AQP7: variants seen among roughly 807,000 people sequenced by gnomAD.
AQP7 encodes aquaporin-7.
In AQP7, 22 loss-of-function variants were observed where a neutral mutation model predicts 26.1. The observed-to-expected ratio is 0.84, with a 90% confidence interval of 0.60 to 1.20. The LOEUF (loss-of-function observed/expected upper bound fraction) is 1.20. Ranked by LOEUF, AQP7 falls within the 50% of genes most tolerant of loss-of-function variation. The pLI, the probability that AQP7 is intolerant of heterozygous loss-of-function variation, is 0.00. For synonymous variants in AQP7, 167 were observed against 181.7 expected (o/e 0.92, Z 0.65); for missense variants, 412 against 457.5 (o/e 0.90, Z 0.91).
intron 3 of AQP7, among the ~76,000 whole-genome samples, chr9:33,392,753 T>G (rs1368917009): frequency 6.6e-6 from 1 of 151,716 alleles, no homozygotes; most frequent in East Asian, 1.9e-4. Context: ...CCAAAGCAGG[T>G]GGGGAGGTAG....
At chr9:33,396,438 CAAAAAAAA>C (rs3055483) in intron 2 of AQP7, among the ~76,000 whole-genome samples, 2 of 30,908 alleles carry the variant, frequency 6.5e-5, no homozygotes, top group Non-Finnish European at 1.4e-4. Flanking sequence ...GACTCCATCT[CAAAAAAAA>C]AAAAAAAAAA....
rs1825075713 is a variant in AQP7 at position 33,388,452 on chromosome 9, C to G, written c.145-1360G>C. ...CCCAGACTCACTCACTGGCTCTCCT[C>G]CACTTCTAGGATAAAGTCCAAACTC... On this transcript the variant is annotated intron_variant, in intron 3 of 7. Transcript: ENST00000297988. Among the ~76,000 whole-genome samples the G allele has an allele frequency of 2.0e-5, 3 of 152,316 alleles. No homozygotes were observed. In the South Asian group the frequency reaches 6.2e-4, roughly 32 times the overall value.
rs1292533772 is a variant in AQP7 at position 33,395,159 on chromosome 9, C to T, written c.63G>A (p.Val21=). The stretch of plus-strand genomic sequence containing the variant: ...GCAGTATTTCCTGGATCTTTGCTAT[C>T]ACGGACCAGGAGACCATTTTGGAGC... The part of the protein sequence containing the change: ...TRGSKMVSWS[V]IAKIQEILQR... Residue 21 remains valine (V), a synonymous_variant, in exon 3 of 8, where the codon GTG becomes GTA. Transcript: ENST00000297988. 9.3e-6 allele frequency: 15 copies of T among 1,613,972 alleles called. No individual in the cohort carries two copies. The highest frequency in any genetic ancestry group is 1.3e-5 in the Non-Finnish European group (15 of 1,179,866).
rs1824494759 is a variant in AQP7 at position 33,383,296 on chromosome 9, A to G, written c.*1709T>C. ...AGACCAAGGCCCAGAAGGGTTGAATATCTTGCTCAAGATCACACACATTTT... is the reference window on the plus strand; with the variant it reads ...AGACCAAGGCCCAGAAGGGTTGAATGTCTTGCTCAAGATCACACACATTTT... On this transcript the variant is annotated 3_prime_UTR_variant, in exon 8 of 8. Transcript: ENST00000297988. The G allele has an allele frequency of 6.6e-6, 1 of 152,230 alleles. No individual in the cohort carries two copies. Among genetic ancestry groups the G allele is most frequent in the African/African-American group, 2.4e-5 (1 of 41,448 alleles). 9.4% of individuals were successfully genotyped at this position (152,230 alleles called of 1,614,324 possible). A position where few individuals can be genotyped will look rare whatever the true frequency, so the allele number is the denominator to read the frequency against.
In AQP7 at chr9:33,387,180, C is replaced by T. The variant is rs1194396498; in HGVS notation, c.145-88G>A. On this transcript the variant is annotated intron_variant, in intron 3 of 7. Transcript: ENST00000297988. ...AGAGCTCAGTTCTAGCTCCTCACCC[C>T]CATGCCCTGGGCCTCCCTGGCATTG... The T allele has an allele frequency of 5.3e-5, 76 of 1,429,912 alleles. 2 individuals are homozygous for T. In the South Asian group the frequency reaches 8.6e-4, roughly 16 times the overall value. 88.6% of individuals were successfully genotyped at this position (1,429,912 alleles called of 1,614,324 possible). A position where few individuals can be genotyped will look rare whatever the true frequency, so the allele number is the denominator to read the frequency against.
rs572819965 is a variant in AQP7 at position 33,388,615 on chromosome 9, C to T, written c.145-1523G>A. ...TTATTGAGCACTGCCTACATGCCAGCGAGTTATACTGATCACCTCCTTTAA... is the reference window on the plus strand; with the variant it reads ...TTATTGAGCACTGCCTACATGCCAGTGAGTTATACTGATCACCTCCTTTAA... On this transcript the variant is annotated intron_variant, in intron 3 of 7. Transcript: ENST00000297988. Among the ~76,000 whole-genome samples, 17 of 152,310 alleles carry T rather than the reference C, an allele frequency of 1.1e-4. 2 individuals are homozygous for T. The South Asian group carries it at 1.5e-3, about 13-fold the overall frequency.
At chr9:33,390,873 A>T (rs1329248908) in intron 3 of AQP7, among the ~76,000 whole-genome samples, 1 of 152,206 alleles carries the variant, frequency 6.6e-6, no homozygotes. Context: ...GCACTTTGGG[A>T]GGCCGAGGCA....
chr9:33,396,431 T>A (rs1174542673), intron 2 of AQP7, among the ~76,000 whole-genome samples: 1 of 82,026 alleles, frequency 1.2e-5, no homozygotes. Context: ...AGAGCGAGAC[T>A]CCATCTCAAA....
chr9:33,401,724 A>T (rs1331679005), intron 1 of AQP7: 1 of 189,826 alleles, frequency 5.3e-6, no homozygotes, highest in East Asian at 1.3e-4. Context: ...CAGAAGGTGA[A>T]CACACAGGAT....
rs749056562 is a variant in AQP7, at chr9:33,385,073, G to A, written c.961C>T (p.Pro321Ser). ...ISPLTPVSVS[P>S]ANRSSVHPAP... ...GGGTGGACTGAAGATCTGTTGGCAG[G>A]GCTCACAGAGACGGGGGTGAGGGGA... The change falls in exon 8 of 8, where the codon CCT (proline) becomes TCT (serine). Residue 321 changes from proline to serine, a missense_variant. Pro to Ser is a moderately conservative substitution (Grantham distance 74). Coordinates refer to ENST00000297988, the MANE Select transcript of AQP7 (RefSeq NM_001170.3). 6 of 1,611,832 alleles carry A rather than the reference G, an allele frequency of 3.7e-6. No homozygotes were observed. The African/African-American group carries it at 5.3e-5, about 14-fold the overall frequency.
At position 33,385,689 on chromosome 9, in the gene AQP7, T is replaced by A. The variant is rs768599373; in HGVS notation, c.703A>T (p.Ile235Phe). Residue 235 changes from isoleucine (I) to phenylalanine (F), a missense_variant, in exon 7 of 8, where the codon ATC becomes TTC. Transcript: ENST00000297988. The part of the protein sequence containing the change: ...INPSRDLPPR[I>F]FTFIAGWGKQ... ...CCCCAACCAGCAATGAAGGTGAAGA[T>A]GCGGGGGGGCAGGTCCCGGGACGGG... 1 of 1,613,680 alleles carries A rather than the reference T, an allele frequency of 6.2e-7. No homozygotes were observed. Among genetic ancestry groups the A allele is most frequent in the African/African-American group, 1.3e-5 (1 of 74,882 alleles).
At chr9:33,399,490 G>C (rs7022694) in intron 2 of AQP7, among the ~76,000 whole-genome samples, 6,275 of 152,036 alleles carry the variant, frequency 0.041, 435 homozygotes, top group African/African-American at 0.14. Context: ...ACCAGCTGGG[G>C]GGGGAGGGGC....
rs1270824474 is a variant in AQP7, at chr9:33,386,557, A to G, written c.269-16T>C. ...ATGTGGGCTCCTGCGGGCAGCAGGC[A>G]AGTGTGTCAGGGAGTGAGAGCAGAA... On this transcript the variant is annotated splice_polypyrimidine_tract_variant and intron_variant, in intron 4 of 7. Coordinates refer to ENST00000297988, the MANE Select transcript of AQP7 (RefSeq NM_001170.3). 2.5e-6 allele frequency: 4 copies of G among 1,609,496 alleles called. No homozygotes were observed. Among genetic ancestry groups the G allele is most frequent in the Non-Finnish European group, 3.4e-6 (4 of 1,177,902 alleles).
intron 3 of AQP7, among the ~76,000 whole-genome samples, chr9:33,387,524 C>A (rs77066282): frequency 1.3e-5 from 2 of 151,636 alleles, no homozygotes; most frequent in African/African-American, 2.4e-5. Context: ...CCAGGAACCC[C>A]TCCCTGCACA....
At chr9:33,389,402 T>C (rs1307333426) in intron 3 of AQP7, among the ~76,000 whole-genome samples, 1 of 152,178 alleles carries the variant, frequency 6.6e-6, no homozygotes, top group African/African-American at 2.4e-5. Flanking sequence ...CTCGAGCTCC[T>C]GGCCTTAAGC....
In AQP7 at chr9:33,385,740, C is replaced by T; in HGVS notation, c.652G>A (p.Gly218Ser). 4 of 1,613,922 alleles carry T rather than the reference C, an allele frequency of 2.5e-6. No homozygotes were observed. Among genetic ancestry groups the T allele is most frequent in the Non-Finnish European group, 2.5e-6 (3 of 1,180,046 alleles). ...TTGATGGCATATCCTGTGTTCATGC[C>T]AAGGGACACCCCGATGATGACCACG... ...ILVVIIGVSLGMNTGYAINPS... is the reference protein window; with the variant it reads ...ILVVIIGVSLSMNTGYAINPS... Residue 218 changes from glycine to serine, a missense_variant, in exon 7 of 8, where the codon GGC (glycine) becomes AGC (serine). Physicochemically the swap from Gly to Ser is moderately conservative, Grantham distance 56 (BLOSUM62 0). Transcript: ENST00000297988.
chr9:33,400,960 G>C, intron 2 of AQP7: 1 of 520,666 alleles, frequency 1.9e-6, no homozygotes, highest in African/African-American at 1.9e-5. Context: ...CTGAGAGGGT[G>C]AGAGGTGCTG....
chr9:33,385,802 G>A lies in AQP7; in HGVS notation c.590C>T (p.Ala197Val). ...FAITDQENNP[A>V]LPGTEALVIG... ...CACCAGCGCCTCTGTTCCTGGCAGTGCTGGGTTGTTCTCCTGGTCCGTGAT... is the reference window on the plus strand; with the variant it reads ...CACCAGCGCCTCTGTTCCTGGCAGTACTGGGTTGTTCTCCTGGTCCGTGAT... Residue 197 changes from alanine (A) to valine (V), a missense_variant, in exon 7 of 8, where the codon GCA (alanine) becomes GTA (valine). By Grantham distance (64) the Ala-to-Val change is moderately conservative. Coordinates refer to ENST00000297988, the MANE Select transcript of AQP7 (RefSeq NM_001170.3). 6.2e-7 allele frequency: 1 copy of A among 1,613,116 alleles called. No homozygotes were observed. Among genetic ancestry groups the A allele is most frequent in the Non-Finnish European group, 8.5e-7 (1 of 1,179,942 alleles).
intron 2 of AQP7, among the ~76,000 whole-genome samples, chr9:33,398,235 T>C (rs903465604): frequency 1.4e-4 from 21 of 151,278 alleles, no homozygotes; most frequent in African/African-American, 5.1e-4. Flanking sequence ...CAGTATCCAA[T>C]GTGCAGGAAT....
Sources: allele counts gnomAD v4.1 joint callset (sites outside exome capture counted in the v4.1 genomes callset), GRCh38; gene constraint gnomAD v4.1.1; transcripts MANE v1.5; gene names NCBI Gene and HGNC (gene_info 2026-07-23, HGNC 2026-07-21).